TMEM59: variants seen among roughly 807,000 people sequenced by gnomAD.
TMEM59 encodes transmembrane protein 59, also known as dendritic cell factor 1.
A neutral mutation model predicts 42.2 loss-of-function variants in TMEM59; 44 were observed. That is an observed-to-expected ratio of 1.04 (90% CI 0.82 to 1.34). TMEM59 has a LOEUF of 1.34. Among genes scored for constraint, TMEM59 ranks in the 40% most tolerant of loss-of-function variants. The probability of loss-of-function intolerance (pLI) is 0.00; values close to 1 mark genes in which losing one functional copy is unlikely to be tolerated. For missense variants in TMEM59, 359 were observed against 382.8 expected, an observed-to-expected ratio of 0.94 and a Z score of 0.52; for synonymous variants, 148 against 145.8, an observed-to-expected ratio of 1.02 and a Z score of -0.11.
chr1:54,043,243 ATAAG>A (rs1657203612), intron 4 of TMEM59, 126 bp downstream of exon 4: 6 of 868,096 alleles, frequency 6.9e-6, no homozygotes, highest in Admixed American at 3.9e-5. Flanking sequence ...GTAGGGCCAA[ATAAG>A]TAATTATTAT....
chr1:54,045,665 A>T, intron 3 of TMEM59, 27 bp downstream of exon 3: 2 of 1,604,984 alleles, frequency 1.2e-6, no homozygotes, highest in Non-Finnish European at 1.7e-6. Flanking sequence ...TAAGCAGGCT[A>T]GTTTGAAAGG....
intron 3 of TMEM59, chr1:54,044,339 C>CAAAAA (rs1557678253): frequency 4.0e-5 from 2 of 49,776 alleles, no homozygotes; most frequent in Non-Finnish European, 8.3e-5. Flanking sequence ...GAGACTCCAT[C>CAAAAA]ACAAAAAAAA....
chr1:54,038,840 A>G lies in TMEM59; in HGVS notation c.707+1916T>C, dbSNP rs186713104. Among the ~76,000 whole-genome samples, 5 of 152,048 alleles carry G rather than the reference A, an allele frequency of 3.3e-5. 1 individual carries two copies. The East Asian group carries it at 9.6e-4, about 29-fold the overall frequency. On this transcript the variant is annotated intron_variant, in intron 6 of 7. Transcript: ENST00000234831. ...CTGAAGGGGAAAAAGCATTTAAAAA[A>G]AGAACACTTAAAAAAATAATAAAAT...
intron 1 of TMEM59, among the ~76,000 whole-genome samples, chr1:54,052,405 T>A (rs1044373564): frequency 1.3e-5 from 2 of 152,150 alleles, no homozygotes; most frequent in African/African-American, 4.8e-5. Flanking sequence ...AATTGCCTCT[T>A]CTCTAACCCA....
At chr1:54,034,063 G>A (rs1656860415) in intron 7 of TMEM59, 1 of 144,114 alleles carries the variant, frequency 6.9e-6, no homozygotes, top group Non-Finnish European at 1.5e-5. Flanking sequence ...GGTTTGCAGT[G>A]AGCCGAGATC....
intron 3 of TMEM59, chr1:54,043,973 T>C (rs972181567): frequency 6.6e-6 from 1 of 152,020 alleles, no homozygotes; most frequent in African/African-American, 2.4e-5. Context: ...AATATATACA[T>C]AAAATGGTAG....
rs972671244 is a variant in TMEM59, at chr1:54,029,987, T to C, written c.*2163A>G. On this transcript the variant is annotated 3_prime_UTR_variant, in exon 8 of 8. Coordinates refer to ENST00000234831, the MANE Select transcript of TMEM59 (RefSeq NM_004872.5). ...AAGAATGTCTTGGTATTTTCACATA[T>C]AAGGAATTCTCTCAACAAGAGGGGA... 1.3e-5 allele frequency: 2 copies of C among 152,108 alleles called. No individual in the cohort carries two copies. The highest frequency in any genetic ancestry group is 4.8e-5 in the African/African-American group (2 of 41,406). The allele number at this position is 152,108 out of a possible 1,614,324, so 9.4% of individuals were successfully genotyped here.
chr1:54,033,521 G>A (rs1350089767), intron 7 of TMEM59: 2 of 149,966 alleles, frequency 1.3e-5, no homozygotes, highest in Non-Finnish European at 3.0e-5. Flanking sequence ...AGAATCACTT[G>A]AGCCCGGGAG....
rs770802159 is a variant in TMEM59, at chr1:54,032,292, T to C, written c.830A>G (p.Tyr277Cys). The C allele has an allele frequency of 7.0e-5, 113 of 1,603,916 alleles. 1 individual carries two copies. The African/African-American group carries it at 8.0e-4, about 11-fold the overall frequency. ...TTCATTCATAAACTCCAAGTCACCA[T>C]AGATACTCAGCTTCTGCAAAAGAAA... ...QYVPSEKLSI[Y>C]GDLEFMNEQK... Residue 277 changes from tyrosine (Y) to cysteine (C), a missense_variant, in exon 8 of 8, where the codon TAT becomes TGT. Transcript: ENST00000234831.
intron 3 of TMEM59, 57 bp from the exon 4 acceptor site, chr1:54,043,582 G>C: frequency 8.6e-7 from 1 of 1,168,972 alleles, no homozygotes; most frequent in South Asian, 2.7e-5. Context: ...ATATTCAAAA[G>C]AACAATATAA....
At chr1:54,038,776 C>G (rs1251945743) in intron 6 of TMEM59, among the ~76,000 whole-genome samples, 3 of 152,194 alleles carry the variant, frequency 2.0e-5, no homozygotes, top group Non-Finnish European at 4.4e-5. Flanking sequence ...TCACCACCTA[C>G]TTATCACAGG....
intron 6 of TMEM59, among the ~76,000 whole-genome samples, chr1:54,040,368 G>A (rs568794914): frequency 1.3e-5 from 2 of 152,112 alleles, no homozygotes; most frequent in South Asian, 4.2e-4. Context: ...GGCCAGGCTG[G>A]TCTCGAACTC....
intron 1 of TMEM59, chr1:54,047,835 A>G (rs1657395496): frequency 1.1e-5 from 2 of 177,218 alleles, no homozygotes; most frequent in Admixed American, 6.4e-5. Context: ...TGGGTATGGT[A>G]GTGCACACTT....
intron 1 of TMEM59, 54 bp from the exon 2 acceptor site, chr1:54,047,426 CA>C (rs771964704): frequency 7.2e-7 from 1 of 1,389,286 alleles, no homozygotes. Context: ...TTTTTTTCCT[CA>C]GGGGAAAACA....
At chr1:54,053,280 A>T, upstream of TMEM59, 3 of 1,488,012 alleles carry the variant, frequency 2.0e-6, no homozygotes, top group Non-Finnish European at 2.7e-6. Flanking sequence ...TCTCCGCCCC[A>T]CCGACCGTTG....
chr1:54,048,305 A>C (rs907710545), intron 1 of TMEM59, among the ~76,000 whole-genome samples: 1 of 152,266 alleles, frequency 6.6e-6, no homozygotes, highest in Non-Finnish European at 1.5e-5. Context: ...GGGTGAGTGC[A>C]TAAGTTATTT....
At chr1:54,053,511 G>A (rs1657665478), upstream of TMEM59, 2 of 295,478 alleles carry the variant, frequency 6.8e-6, no homozygotes, top group Admixed American at 5.0e-5. Flanking sequence ...CGGTGCTGTC[G>A]GGAAAGTTGG....
Position 54,043,437 on chromosome 1 carries a change from C to T in TMEM59, c.479G>A (p.Ser160Asn). ...AAAAGTCCATGAAGAGGTTATGAAG[C>T]TCTGTGCGGAGTCCATCATGTCACT... ...FWSDMMDSAQSFITSSWTFYL... is the reference protein window; with the variant it reads ...FWSDMMDSAQNFITSSWTFYL... The change falls in exon 4 of 8, where the codon AGC (serine) becomes AAC (asparagine). Residue 160 changes from serine (S) to asparagine (N), a missense_variant. Physicochemically the swap from Ser to Asn is conservative, Grantham distance 46. Transcript: ENST00000234831. The T allele has an allele frequency of 1.3e-6, 2 of 1,583,816 alleles. No individual in the cohort carries two copies. Among genetic ancestry groups the T allele is most frequent in the Middle Eastern group, 1.7e-4 (1 of 5,942 alleles).
At chr1:54,039,421 C>T (rs530747718) in intron 6 of TMEM59, among the ~76,000 whole-genome samples, 5 of 152,262 alleles carry the variant, frequency 3.3e-5, no homozygotes, top group Admixed American at 2.0e-4. Context: ...CAAACTGCAA[C>T]ATACATCCTA....
Sources: gnomAD v4.1 joint callset for allele counts (sites outside exome capture counted in the v4.1 genomes callset) on GRCh38, gnomAD v4.1.1 for gene constraint, MANE v1.5 for transcripts, NCBI Gene and HGNC (gene_info 2026-07-23, HGNC 2026-07-21) for gene names.